The following TMEM132C variants were observed in gnomAD, a reference collection of about 807,000 sequenced individuals.
The protein encoded by TMEM132C is protein phosphatase 1, regulatory subunit 152.
In TMEM132C, 29 loss-of-function variants were observed where a neutral mutation model predicts 61.4. That is an observed-to-expected ratio of 0.47 (90% CI 0.35 to 0.64). The LOEUF is 0.64. Ranked by LOEUF, TMEM132C falls within the 30% of genes least tolerant of loss-of-function variation. The probability of loss-of-function intolerance (pLI) is 0.00; values close to 1 mark genes in which losing one functional copy is unlikely to be tolerated. For missense variants in TMEM132C, 1,408 were observed against 1,476.9 expected (o/e 0.95, Z 0.76); for synonymous variants, 656 against 633.1 (o/e 1.04, Z -0.54).
intron 2 of TMEM132C, among the ~76,000 whole-genome samples, chr12:128,495,625 G>A (rs574570469): frequency 6.6e-6 from 1 of 152,192 alleles, no homozygotes; most frequent in Admixed American, 6.5e-5. Context: ...TTGGTTTAAA[G>A]TCTGTTTTAT....
chr12:128,275,876 T>G (rs1365914873), intron 1 of TMEM132C, among the ~76,000 whole-genome samples: 1 of 152,184 alleles, frequency 6.6e-6, no homozygotes, highest in Non-Finnish European at 1.5e-5. Context: ...GTCAGGGCCA[T>G]GCACTGTGCT....
intron 5 of TMEM132C, among the ~76,000 whole-genome samples, chr12:128,677,764 A>T (rs1384162924): frequency 2.0e-5 from 3 of 152,240 alleles, no homozygotes; most frequent in Non-Finnish European, 4.4e-5. Flanking sequence ...AAGCATCATT[A>T]GAGAAAGTTC....
At chr12:128,290,777 G>A (rs1871221119) in intron 1 of TMEM132C, among the ~76,000 whole-genome samples, 1 of 150,664 alleles carries the variant, frequency 6.6e-6, no homozygotes, top group Non-Finnish European at 1.5e-5. Context: ...ATCCCTTAAA[G>A]ATCCTGTTCT....
rs142446819 is a variant in TMEM132C at position 128,632,612 on chromosome 12, A to C, written c.1305+16277A>C. On this transcript the variant is annotated intron_variant, in intron 4 of 8. Coordinates refer to ENST00000435159, the MANE Select transcript of TMEM132C (RefSeq NM_001136103.3). ...TTTTTTTCCGACTACGAAAATGGGA[A>C]GATAACAGAGTAGGAGGAGCACTCA... Among the ~76,000 whole-genome samples the C allele has an allele frequency of 4.5e-3, 684 of 152,340 alleles. 4 individuals carry two copies. The highest frequency in any genetic ancestry group is 0.016 in the African/African-American group (648 of 41,586).
intron 3 of TMEM132C, among the ~76,000 whole-genome samples, chr12:128,555,493 C>G (rs1048257236): frequency 6.6e-6 from 1 of 152,176 alleles, no homozygotes; most frequent in Non-Finnish European, 1.5e-5. Context: ...AAGTTAAAAA[C>G]GTCTCCCACT....
At chr12:128,290,753 G>A (rs1871220607) in intron 1 of TMEM132C, among the ~76,000 whole-genome samples, 1 of 151,288 alleles carries the variant, frequency 6.6e-6, no homozygotes, top group Non-Finnish European at 1.5e-5. Context: ...CCTTCTCTCA[G>A]AGGAGAGAAC....
chr12:128,530,602 C>T (rs1189871281), intron 2 of TMEM132C, among the ~76,000 whole-genome samples: 1 of 152,116 alleles, frequency 6.6e-6, no homozygotes, highest in Non-Finnish European at 1.5e-5. Flanking sequence ...TGCCACCACG[C>T]CCATCTAATT....
At chr12:128,548,307 G>A (rs116119697) in intron 3 of TMEM132C, among the ~76,000 whole-genome samples, 1,757 of 152,232 alleles carry the variant, frequency 0.012, 25 homozygotes, top group African/African-American at 0.029. Context: ...TGAACTGGTC[G>A]TCCCTGAATT....
chr12:128,651,257 C>A (rs1323399825), intron 4 of TMEM132C, among the ~76,000 whole-genome samples: 1 of 152,204 alleles, frequency 6.6e-6, no homozygotes, highest in Non-Finnish European at 1.5e-5. Context: ...ATCCATCATT[C>A]CTGGATTGCA....
chr12:128,423,124 TC>T (rs1200618562), intron 2 of TMEM132C, among the ~76,000 whole-genome samples: 6 of 152,220 alleles, frequency 3.9e-5, no homozygotes, highest in Non-Finnish European at 8.8e-5. Flanking sequence ...GGTAGTCCTC[TC>T]TCACGAATAA....
At chr12:128,576,684 G>T (rs778515146) in intron 3 of TMEM132C, among the ~76,000 whole-genome samples, 1 of 152,224 alleles carries the variant, frequency 6.6e-6, no homozygotes. Context: ...TGTGAAAATT[G>T]AGACAGGTTA....
intron 1 of TMEM132C, among the ~76,000 whole-genome samples, chr12:128,334,656 C>T (rs1872749152): frequency 6.6e-6 from 1 of 151,044 alleles, no homozygotes; most frequent in Non-Finnish European, 1.5e-5. Flanking sequence ...AGTGCAGTAG[C>T]CCAATCTCAG....
At chr12:128,463,356 T>C (rs1050326922) in intron 2 of TMEM132C, among the ~76,000 whole-genome samples, 4 of 152,118 alleles carry the variant, frequency 2.6e-5, no homozygotes, top group Non-Finnish European at 4.4e-5. Context: ...TTCTCTCTTG[T>C]TGCCCGGGCT....
At chr12:128,536,810 C>A (rs921021675) in intron 2 of TMEM132C, among the ~76,000 whole-genome samples, 2 of 152,012 alleles carry the variant, frequency 1.3e-5, no homozygotes, top group Non-Finnish European at 2.9e-5. Context: ...AAGACATGAC[C>A]TTGCATATGT....
rs145557273 is a variant in TMEM132C at position 128,294,046 on chromosome 12, T to C, written c.85+26559T>C. On this transcript the variant is annotated intron_variant, in intron 1 of 8. Coordinates refer to ENST00000435159, the MANE Select transcript of TMEM132C (RefSeq NM_001136103.3). ...ATCAGAATGGAATAAAATGGTGACC[T>C]ATCTTGGGTTTTGCAGAGCAGTAGA... The C allele has an allele frequency of 9.0e-5, 14 of 154,850 alleles. No homozygotes were observed. The East Asian group carries it at 2.7e-3, about 30-fold the overall frequency. 9.6% of individuals were successfully genotyped at this position (154,850 alleles called of 1,614,324 possible).
Position 128,471,598 on chromosome 12 carries a change from A to T in TMEM132C, c.974+55978A>T, listed in dbSNP as rs928564023. ...GGGAGGCAGCCTGTAACCGAGAAGC[A>T]GCATTGCATAGCATCATGCTTGGGT... is the stretch of plus-strand genomic sequence containing the variant. On this transcript the variant is annotated intron_variant, in intron 2 of 8. Transcript: ENST00000435159. 2.0e-5 allele frequency among the ~76,000 whole-genome samples: 3 copies of T among 152,234 alleles called. No individual in the cohort carries two copies. The East Asian group carries it at 5.8e-4, about 29-fold the overall frequency.
At chr12:128,437,709 A>C (rs1026260746) in intron 2 of TMEM132C, 1 of 152,168 alleles carries the variant, frequency 6.6e-6, no homozygotes, top group African/African-American at 2.4e-5. Context: ...TGCCATCGTA[A>C]GTTATGTCTT....
intron 1 of TMEM132C, among the ~76,000 whole-genome samples, chr12:128,373,395 A>T (rs997202639): frequency 1.3e-5 from 2 of 152,240 alleles, no homozygotes; most frequent in Non-Finnish European, 2.9e-5. Flanking sequence ...AAAGAGAGAA[A>T]GTGTTCAGAG....
chr12:128,659,828 G>A (rs1422822984), intron 4 of TMEM132C, among the ~76,000 whole-genome samples: 1 of 152,236 alleles, frequency 6.6e-6, no homozygotes, highest in South Asian at 2.1e-4. Flanking sequence ...CTCCAGTCCA[G>A]GGTGAGACAG....
Sources: allele counts gnomAD v4.1 joint callset (sites outside exome capture counted in the v4.1 genomes callset), GRCh38; gene constraint gnomAD v4.1.1; transcripts MANE v1.5; gene names NCBI Gene and HGNC (gene_info 2026-07-23, HGNC 2026-07-21).